RPUSD3: variants seen among roughly 807,000 people sequenced by gnomAD.
RPUSD3 encodes the protein RNA pseudouridine synthase D3.
In RPUSD3, 36 loss-of-function variants were observed where a neutral mutation model predicts 35.1. That is an observed-to-expected ratio of 1.02 (90% confidence interval 0.79 to 1.35). RPUSD3 has a LOEUF of 1.35. Ranked by LOEUF, RPUSD3 falls within the 40% of genes most tolerant of loss-of-function variation. RPUSD3 has a pLI of 0.00. For synonymous variants in RPUSD3, 202 were observed against 187.8 expected, an observed-to-expected ratio of 1.08 and a Z score of -0.62; for missense variants, 486 against 441.9, an observed-to-expected ratio of 1.10 and a Z score of -0.89.
intron 2 of RPUSD3, 59 bp from the exon 3 acceptor site, chr3:9,842,302 A>G: frequency 3.9e-6 from 6 of 1,555,986 alleles, no homozygotes; most frequent in Non-Finnish European, 5.3e-6. Flanking sequence ...ATGCAGCACT[A>G]AAGAGTTTCC....
In RPUSD3 at chr3:9,840,755, C is replaced by T. The variant is rs770831407; in HGVS notation, c.458G>A (p.Arg153His). Residue 153 changes from arginine (R) to histidine (H), a missense_variant, in exon 5 of 9, where the codon CGC becomes CAC. Transcript: ENST00000383820. ...TGCATGGGTGAAGTACTTCTGGAGG[C>T]GACTAGCTGTCTGGGGACAGCTGGA... The T allele has an allele frequency of 6.8e-6, 11 of 1,614,096 alleles. No individual in the cohort carries two copies. Among genetic ancestry groups the T allele is most frequent in the Non-Finnish European group, 8.5e-6 (10 of 1,180,014 alleles).
chr3:9,840,379 A>T (rs541356123), intron 6 of RPUSD3, 72 bp from the exon 7 acceptor site: 1 of 1,613,560 alleles, frequency 6.2e-7, no homozygotes, highest in East Asian at 2.2e-5. Context: ...CCCTGCTCCC[A>T]ATAGACTCCG....
rs367972364 is a variant in RPUSD3 at position 9,843,764 on chromosome 3, A to G, written c.125+126T>C. The G allele has an allele frequency of 4.7e-5, 72 of 1,541,090 alleles. No individual in the cohort carries two copies. In the African/African-American group the frequency reaches 9.0e-4, roughly 19 times the overall value. ...TACGACCGGTCCCATTCTACAGCGG[A>G]GGGCACCGAGGCTCAGAGAGGCCAA... On this transcript the variant is annotated intron_variant, in intron 1 of 8. Coordinates refer to ENST00000383820, the Ensembl canonical transcript of RPUSD3.
rs149504521 is a variant in RPUSD3, at chr3:9,843,227, C to T, written c.262+238G>A. On this transcript the variant is annotated intron_variant, in intron 2 of 8. Transcript: ENST00000383820. ...TAGTATAGCAACTCCCGTAACTGAG[C>T]GCCGGCTATGTGCAAGGCTCGGTAG... 154 of 578,660 alleles carry T rather than the reference C, an allele frequency of 2.7e-4. No individual in the cohort carries two copies. In the African/African-American group the frequency reaches 2.7e-3, roughly 10 times the overall value. The allele number at this position is 578,660 out of a possible 1,614,324, so 35.8% of individuals were successfully genotyped here. A position where few individuals can be genotyped will look rare whatever the true frequency, so the allele number is the denominator to read the frequency against.
Position 9,840,202 on chromosome 3 carries a change from G to A in RPUSD3, c.706C>T (p.Gln236Ter). 7 of 1,613,260 alleles carry A rather than the reference G, an allele frequency of 4.3e-6. No individual in the cohort carries two copies. Among genetic ancestry groups the A allele is most frequent in the Non-Finnish European group, 5.1e-6 (6 of 1,179,624 alleles). Reference sequence around the variant, plus strand: ...GACCTACCTGTCAGTGGCTGCAGCTGGACCAGGGCACAGCCAGAGCCTGTG... The same window carrying A: ...GACCTACCTGTCAGTGGCTGCAGCTAGACCAGGGCACAGCCAGAGCCTGTG... The change falls in exon 7 of 9, where the codon CAG becomes TAG. Residue 236 changes from glutamine to a stop codon, truncating the protein, a stop_gained. Transcript: ENST00000383820. LOFTEE classifies it high-confidence loss of function.
chr3:9,838,891 T>C lies in RPUSD3; in HGVS notation c.864+141A>G, dbSNP rs2125022450. On this transcript the variant is annotated intron_variant, in intron 8 of 8. Coordinates refer to ENST00000383820, the Ensembl canonical transcript of RPUSD3. ...ACTTGCCCAAGGCCACACACCAAGA[T>C]GTGGGTACGGATACAGCCTTGGGAG... 5 of 1,059,408 alleles carry C rather than the reference T, an allele frequency of 4.7e-6. No individual in the cohort carries two copies. The South Asian group carries it at 6.1e-5, about 13-fold the overall frequency. 65.6% of individuals were successfully genotyped at this position (1,059,408 alleles called of 1,614,324 possible).
At chr3:9,842,042 C>T in exon 4 of RPUSD3, 1 of 1,613,044 alleles carries the variant, frequency 6.2e-7, no homozygotes, top group Non-Finnish European at 8.5e-7. Context: ...ACTGGCTCAG[C>T]TCTGGCAGCA....
At chr3:9,839,315 C>T (rs2082069035) in intron 7 of RPUSD3, 144 bp from the exon 8 acceptor site, 6 of 852,882 alleles carry the variant, frequency 7.0e-6, no homozygotes, top group Non-Finnish European at 8.8e-6. Flanking sequence ...ATGGCCCCTG[C>T]ATCCAGAGAG....
chr3:9,844,006 A>G lies in RPUSD3; in HGVS notation c.9T>C (p.Ala3=), dbSNP rs1422782182. 8.2e-6 allele frequency: 13 copies of G among 1,586,176 alleles called. No individual in the cohort carries two copies. The Admixed American group carries it at 2.3e-4, about 28-fold the overall frequency. Residue 3 remains alanine (A), a synonymous_variant, in exon 1 of 9, where the codon GCT becomes GCC. Transcript: ENST00000383820. Reference sequence around the variant, plus strand: ...GGCCGTCCATCTCCCGAGCCAGGACAGCGCGCATGTGCGTCCAGAGGGGCA... The same window carrying G: ...GGCCGTCCATCTCCCGAGCCAGGACGGCGCGCATGTGCGTCCAGAGGGGCA...
exon 9 of RPUSD3, chr3:9,838,065 G>A: frequency 1.9e-6 from 3 of 1,607,350 alleles, no homozygotes; most frequent in Middle Eastern, 1.8e-4. Context: ...GAAATAAGGG[G>A]GCAGTGGTGC....
intron 2 of RPUSD3, 191 bp downstream of exon 2, chr3:9,843,274 T>C: frequency 1.4e-6 from 1 of 736,064 alleles, no homozygotes; most frequent in East Asian, 2.6e-5. Context: ...TTCTCCCCAC[T>C]CTTAACCCTA....
At chr3:9,840,502 C>T in intron 6 of RPUSD3, 30 bp downstream of exon 6, 1 of 1,602,450 alleles carries the variant, frequency 6.2e-7, no homozygotes, top group South Asian at 1.1e-5. Context: ...TATCTAGAAG[C>T]ACCCCTCCTC....
intron 2 of RPUSD3, chr3:9,842,947 A>C (rs1236049842): frequency 1.3e-5 from 2 of 159,064 alleles, no homozygotes; most frequent in Non-Finnish European, 2.8e-5. Flanking sequence ...GCTGGAGCGC[A>C]GTAGCACGAT....
chr3:9,843,260 C>T, intron 2 of RPUSD3: 1 of 658,534 alleles, frequency 1.5e-6, no homozygotes. Flanking sequence ...TAGTTATTTG[C>T]ATCTTCTCCC....
At chr3:9,843,341 C>T in intron 2 of RPUSD3, 124 bp downstream of exon 2, 1 of 1,442,612 alleles carries the variant, frequency 6.9e-7, no homozygotes, top group Non-Finnish European at 9.5e-7. Flanking sequence ...GGTGGCTTGT[C>T]CCAGCTCATG....
At chr3:9,839,446 C>T in intron 7 of RPUSD3, 1 of 300,058 alleles carries the variant, frequency 3.3e-6, no homozygotes, top group Non-Finnish European at 6.2e-6. Flanking sequence ...CTGTTCTTTC[C>T]TGTTGGGGTG....
intron 7 of RPUSD3, 37 bp from the exon 8 acceptor site, chr3:9,839,208 C>T (rs1362914250): frequency 1.3e-6 from 2 of 1,588,082 alleles, no homozygotes; most frequent in African/African-American, 1.3e-5. Context: ...CAGTGGGCAG[C>T]TACTCGTTCT....
At chr3:9,843,696 G>T (rs2082137556) in intron 1 of RPUSD3, 95 bp from the exon 2 acceptor site, 1 of 1,555,122 alleles carries the variant, frequency 6.4e-7, no homozygotes, top group Admixed American at 1.9e-5. Flanking sequence ...TGCGGCCTCT[G>T]ACAAATGCCT....
At chr3:9,843,729 A>T in intron 1 of RPUSD3, 128 bp from the exon 2 acceptor site, 1 of 1,544,608 alleles carries the variant, frequency 6.5e-7, no homozygotes. Context: ...GCTGACCTCG[A>T]AAATTCAGGT....
Sources: gnomAD v4.1 joint callset for allele counts on GRCh38, gnomAD v4.1.1 for gene constraint, MANE v1.5 for transcripts, NCBI Gene and HGNC (gene_info 2026-07-23, HGNC 2026-07-21) for gene names.